The following MAGI1 variants were observed in gnomAD, a reference collection of about 807,000 sequenced individuals.
MAGI1 encodes membrane associated guanylate kinase, WW and PDZ domain containing 1.
MAGI1 carries 58 observed loss-of-function variants against 139.9 expected under a neutral mutation model. That is an observed-to-expected ratio of 0.41 (90% CI 0.34 to 0.52). The LOEUF (loss-of-function observed/expected upper bound fraction) is 0.52. Ranked by LOEUF, MAGI1 falls within the 20% of genes least tolerant of loss-of-function variation. The probability of loss-of-function intolerance (pLI) is 0.12; values close to 1 mark genes in which losing one functional copy is unlikely to be tolerated. For synonymous variants in MAGI1, 812 were observed against 737.9 expected (o/e 1.10, Z -1.63); for missense variants, 1,874 against 1,901.6 (o/e 0.99, Z 0.27).
chr3:65,434,078 C>T (rs193250181), intron 10 of MAGI1, among the ~76,000 whole-genome samples: 4 of 152,082 alleles, frequency 2.6e-5, no homozygotes, highest in African/African-American at 9.7e-5. Flanking sequence ...AATGAGGTAT[C>T]CCACAAAAAC....
chr3:65,988,999 G>A (rs1296460488), intron 1 of MAGI1, among the ~76,000 whole-genome samples: 1 of 152,166 alleles, frequency 6.6e-6, no homozygotes, highest in Non-Finnish European at 1.5e-5. Flanking sequence ...CTTAACTAAG[G>A]CTCAGAAAGA....
At chr3:65,837,603 T>G (rs1029937941) in intron 1 of MAGI1, among the ~76,000 whole-genome samples, 2 of 152,206 alleles carry the variant, frequency 1.3e-5, no homozygotes, top group Non-Finnish European at 2.9e-5. Context: ...GTCCTGATGC[T>G]TGGTAACAGT....
At chr3:65,430,611 T>C (rs1575717755) in intron 11 of MAGI1, 88 bp downstream of exon 11, 1 of 1,431,852 alleles carries the variant, frequency 7.0e-7, no homozygotes, top group African/African-American at 1.4e-5. Flanking sequence ...TTGGTCTTGC[T>C]CAAACAAACA....
chr3:65,921,307 T>A (rs1336328750), intron 1 of MAGI1, among the ~76,000 whole-genome samples: 2 of 145,418 alleles, frequency 1.4e-5, no homozygotes, highest in Non-Finnish European at 1.5e-5. Context: ...CAATGACGTA[T>A]AATTTTTTTT....
At chr3:65,633,722 G>C (rs2084439022) in intron 1 of MAGI1, among the ~76,000 whole-genome samples, 1 of 151,898 alleles carries the variant, frequency 6.6e-6, no homozygotes, top group Non-Finnish European at 1.5e-5. Context: ...TAAGATAGTG[G>C]AATAACATCT....
At chr3:65,487,445 G>A (rs533835600) in intron 3 of MAGI1, among the ~76,000 whole-genome samples, 1 of 152,246 alleles carries the variant, frequency 6.6e-6, no homozygotes, top group South Asian at 2.1e-4. Flanking sequence ...CAGGCAAAGG[G>A]AAATAAAAGC....
intron 1 of MAGI1, among the ~76,000 whole-genome samples, chr3:65,911,491 T>A (rs2061668718): frequency 7.9e-5 from 12 of 152,170 alleles, no homozygotes; most frequent in Admixed American, 7.9e-4. Flanking sequence ...ATCTATTGTT[T>A]GTTCACAACA....
chr3:65,541,634 G>A (rs952448807), intron 2 of MAGI1, among the ~76,000 whole-genome samples: 3 of 152,084 alleles, frequency 2.0e-5, no homozygotes, highest in Non-Finnish European at 4.4e-5. Context: ...ATCAATAAAC[G>A]TAATCTATCA....
intron 12 of MAGI1, chr3:65,401,867 G>A: frequency 7.1e-6 from 7 of 985,064 alleles, no homozygotes; most frequent in Non-Finnish European, 8.4e-6. Flanking sequence ...CAATTGAAAC[G>A]GACCAATCAG....
chr3:65,798,262 C>T (rs978063560), intron 1 of MAGI1, among the ~76,000 whole-genome samples: 33 of 152,248 alleles, frequency 2.2e-4, no homozygotes, highest in Non-Finnish European at 3.5e-4. Flanking sequence ...CGAGATCACA[C>T]CACTGCACTC....
rs573654818 is a variant in MAGI1 at position 65,631,188 on chromosome 3, T to A, written c.314-9100A>T. On this transcript the variant is annotated intron_variant, in intron 1 of 22. Coordinates refer to ENST00000402939, the MANE Select transcript of MAGI1 (RefSeq NM_001033057.2). ...AGATGTAATTTAAAACTAGAACTGATACAGTTTGGTGACATGATGGAGGAA... is the reference window on the plus strand; with the variant it reads ...AGATGTAATTTAAAACTAGAACTGAAACAGTTTGGTGACATGATGGAGGAA... Among the ~76,000 whole-genome samples, 4 of 152,276 alleles carry A rather than the reference T, an allele frequency of 2.6e-5. No individual in the cohort carries two copies. In the South Asian group the frequency reaches 8.3e-4, roughly 32 times the overall value.
At chr3:65,775,622 A>G (rs1316641954) in intron 1 of MAGI1, among the ~76,000 whole-genome samples, 8 of 151,790 alleles carry the variant, frequency 5.3e-5, no homozygotes, top group Admixed American at 2.0e-4. Flanking sequence ...TGATTATGAA[A>G]GGTGATACTA....
At chr3:65,957,599 T>C (rs1238976451) in intron 1 of MAGI1, among the ~76,000 whole-genome samples, 1 of 151,290 alleles carries the variant, frequency 6.6e-6, no homozygotes, top group Non-Finnish European at 1.5e-5. Context: ...CAATACAATG[T>C]TGAGGAAATG....
intron 1 of MAGI1, among the ~76,000 whole-genome samples, chr3:65,676,444 G>A (rs2087194629): frequency 1.3e-5 from 2 of 152,124 alleles, no homozygotes; most frequent in African/African-American, 4.8e-5. Flanking sequence ...ATAAATTTCT[G>A]AATCCTCAGA....
At chr3:65,828,514 G>A (rs1177353217) in intron 1 of MAGI1, among the ~76,000 whole-genome samples, 1 of 152,132 alleles carries the variant, frequency 6.6e-6, no homozygotes, top group Non-Finnish European at 1.5e-5. Context: ...AAAGGAATGA[G>A]CCCTATTGAT....
chr3:65,382,008 C>A lies in MAGI1; in HGVS notation c.2570G>T (p.Gly857Val). Reference protein sequence around the residue: ...AADTDGRLRSGDELICVDGTP... With the variant: ...AADTDGRLRSVDELICVDGTP... ...CCCATCCACACAGATTAATTCATCT[C>A]CAGACCTCAGGCGGCCGTCAGTATC... The change falls in exon 16 of 23, where the codon GGA becomes GTA. Residue 857 changes from glycine (G) to valine (V), a missense_variant. Physicochemically the swap from Gly to Val is moderately radical, Grantham distance 109. This residue lies in a region of MAGI1 where 482 missense variants were observed against 509.6 expected (regional missense o/e 0.95). Coordinates refer to ENST00000402939, the MANE Select transcript of MAGI1 (RefSeq NM_001033057.2). The A allele has an allele frequency of 1.2e-6, 2 of 1,614,166 alleles. No individual in the cohort carries two copies. Among genetic ancestry groups the A allele is most frequent in the Non-Finnish European group, 1.7e-6 (2 of 1,180,030 alleles).
chr3:65,798,304 AAAACAAACAAACAAAC>A (rs549833908), intron 1 of MAGI1, among the ~76,000 whole-genome samples: 1 of 151,338 alleles, frequency 6.6e-6, no homozygotes, highest in African/African-American at 2.4e-5. Context: ...ACTCCATCTC[AAAACAAACAAACAAAC>A]AAACAAACAA....
intron 1 of MAGI1, chr3:65,687,578 C>T (rs2088166293): frequency 2.6e-6 from 1 of 384,914 alleles, no homozygotes; most frequent in Admixed American, 3.6e-5. Flanking sequence ...GCTCCAGGGA[C>T]ATCTGAAGTG....
chr3:65,366,271 T>C (rs373768290), intron 18 of MAGI1, among the ~76,000 whole-genome samples: 5 of 152,334 alleles, frequency 3.3e-5, no homozygotes, highest in African/African-American at 1.2e-4. Flanking sequence ...ATTTAAGCTC[T>C]CTGCAAAATG....
Sources: gnomAD v4.1 joint callset for allele counts (sites outside exome capture counted in the v4.1 genomes callset) on GRCh38, gnomAD v4.1.1 for gene constraint, gnomAD v4.1.1 regional missense constraint, MANE v1.5 for transcripts, NCBI Gene and HGNC (gene_info 2026-07-23, HGNC 2026-07-21) for gene names.